The following GPT2 variants were observed in gnomAD, a reference collection of about 807,000 sequenced individuals.
GPT2 encodes glutamic--pyruvic transaminase 2, also known as alanine aminotransferase 2.
GPT2 carries 30 observed loss-of-function variants against 56.9 expected under a neutral mutation model. The ratio of observed to expected loss-of-function variants is 0.53; its 90% CI spans 0.39 to 0.72. The LOEUF (loss-of-function observed/expected upper bound fraction) is 0.72, where lower values mean the gene tolerates loss of function less well. GPT2 is among the 30% of genes least tolerant of loss of function. GPT2 has a pLI of 0.00. For synonymous variants in GPT2, 271 were observed against 283.1 expected (o/e 0.96, Z 0.43); for missense variants, 542 against 703.4 (o/e 0.77, Z 2.60).
At chr16:46,897,578 C>A in intron 2 of GPT2, 70 bp from the exon 3 acceptor site, 2 of 1,443,488 alleles carry the variant, frequency 1.4e-6, no homozygotes, top group Non-Finnish European at 1.9e-6. Flanking sequence ...CTGCGGGAAC[C>A]TTGCCTGGCC....
In GPT2 at chr16:46,884,373, C is replaced by A; in HGVS notation, c.-117C>A. ...CGCAGGGGCCGGGCGGCGCGGGCGCCGGGCGCGGGGATGCGGCTGTGGGCG... is the reference window on the plus strand; with the variant it reads ...CGCAGGGGCCGGGCGGCGCGGGCGCAGGGCGCGGGGATGCGGCTGTGGGCG... On this transcript the variant is annotated 5_prime_UTR_variant, in exon 1 of 12. Transcript: ENST00000340124. 1 of 182,300 alleles carries A rather than the reference C, an allele frequency of 5.5e-6. No individual in the cohort carries two copies. Among genetic ancestry groups the A allele is most frequent in the South Asian group, 1.7e-4 (1 of 5,854 alleles). The allele number at this position is 182,300 out of a possible 1,614,324, so 11.3% of individuals were successfully genotyped here. A position where few individuals can be genotyped will look rare whatever the true frequency, so the allele number is the denominator to read the frequency against.
chr16:46,915,493 CACAG>C (rs775335790), intron 6 of GPT2: 1 of 149,482 alleles, frequency 6.7e-6, no homozygotes, highest in Non-Finnish European at 1.5e-5. Context: ...ACACACCATA[CACAG>C]ACACCCCAAC....
intron 8 of GPT2, among the ~76,000 whole-genome samples, chr16:46,921,476 C>G (rs1256886514): frequency 1.3e-5 from 2 of 152,056 alleles, no homozygotes; most frequent in East Asian, 1.9e-4. Flanking sequence ...CCCGGCTCCC[C>G]CAAAAGCATG....
chr16:46,924,697 A>G (rs1039241984), intron 10 of GPT2, 153 bp downstream of exon 10: 6 of 799,028 alleles, frequency 7.5e-6, no homozygotes, highest in South Asian at 5.1e-5. Context: ...CCGTGTAAAG[A>G]TGACAGGTTC....
intron 6 of GPT2, among the ~76,000 whole-genome samples, chr16:46,912,486 T>C (rs1961065089): frequency 6.6e-6 from 1 of 152,218 alleles, no homozygotes; most frequent in Non-Finnish European, 1.5e-5. Context: ...GGGACTCTGA[T>C]TGGCAGCTCT....
At chr16:46,888,840 A>G (rs1384006206) in intron 2 of GPT2, among the ~76,000 whole-genome samples, 1 of 151,224 alleles carries the variant, frequency 6.6e-6, no homozygotes, top group African/African-American at 2.4e-5. Context: ...TATAGAGACT[A>G]GGTCTTCTTA....
chr16:46,908,810 C>T (rs1222995217), intron 5 of GPT2, among the ~76,000 whole-genome samples: 2 of 152,160 alleles, frequency 1.3e-5, no homozygotes, highest in Non-Finnish European at 2.9e-5. Flanking sequence ...CCACAAGATT[C>T]AGTGGAAAGA....
intron 3 of GPT2, among the ~76,000 whole-genome samples, chr16:46,898,724 A>T (rs1405187087): frequency 6.6e-6 from 1 of 150,820 alleles, no homozygotes; most frequent in African/African-American, 2.4e-5. Flanking sequence ...TGATTTTTGT[A>T]TTTTTGGTAG....
chr16:46,898,904 A>ATATATATACACACACATATATATGTGTG (rs1317248792), intron 3 of GPT2, among the ~76,000 whole-genome samples: 13 of 143,408 alleles, frequency 9.1e-5, no homozygotes, highest in African/African-American at 3.3e-4. Flanking sequence ...ATATATACAC[A>ATATATATACACACACATATATATGTGTG]TATATATACA....
At chr16:46,926,785 C>A in intron 10 of GPT2, 140 bp from the exon 11 acceptor site, 1 of 505,838 alleles carries the variant, frequency 2.0e-6, no homozygotes, top group Non-Finnish European at 3.4e-6. Flanking sequence ...CAGCGTCTGG[C>A]CCTGGTCCTC....
chr16:46,907,114 C>A, intron 5 of GPT2, 139 bp downstream of exon 5: 3 of 1,082,538 alleles, frequency 2.8e-6, no homozygotes, highest in Non-Finnish European at 4.1e-6. Flanking sequence ...CCAGCCCTGG[C>A]AGCCTGCAGT....
At position 46,931,184 on chromosome 16, in the gene GPT2, A is replaced by C. The variant is rs1050052021; in HGVS notation, c.*2187A>C. The C allele has an allele frequency of 3.9e-5, 6 of 152,202 alleles. No homozygotes were observed. Among genetic ancestry groups the C allele is most frequent in the African/African-American group, 1.2e-4 (5 of 41,454 alleles). 9.4% of individuals were successfully genotyped at this position (152,202 alleles called of 1,614,324 possible). ...GTTGGGGAGGAACAGATGCAGATCA[A>C]CCTGTGGCTGTTTTCCCGTCTAGGT... is the stretch of plus-strand genomic sequence containing the variant. On this transcript the variant is annotated 3_prime_UTR_variant, in exon 12 of 12. Transcript: ENST00000340124.
At chr16:46,903,853 T>C (rs539955816) in intron 4 of GPT2, among the ~76,000 whole-genome samples, 1 of 152,146 alleles carries the variant, frequency 6.6e-6, no homozygotes, top group South Asian at 2.1e-4. Context: ...AAAGAATATA[T>C]ACGAATGTGT....
At chr16:46,900,477 C>T (rs1431992811) in intron 3 of GPT2, among the ~76,000 whole-genome samples, 1 of 152,142 alleles carries the variant, frequency 6.6e-6, no homozygotes, top group African/African-American at 2.4e-5. Flanking sequence ...CATAGTGCAT[C>T]CCAACTCTCA....
At chr16:46,898,989 TATAACACAC>T (rs1206085353) in intron 3 of GPT2, among the ~76,000 whole-genome samples, 5 of 80,116 alleles carry the variant, frequency 6.2e-5, no homozygotes, top group African/African-American at 2.0e-4. Flanking sequence ...TATATATATA[TATAACACAC>T]ATATATATAT....
chr16:46,903,118 G>A (rs1343765144), intron 4 of GPT2, among the ~76,000 whole-genome samples: 2 of 151,702 alleles, frequency 1.3e-5, no homozygotes, highest in East Asian at 2.0e-4. Flanking sequence ...GCATTATGGC[G>A]GGTGCCTGTA....
Position 46,931,101 on chromosome 16 carries a change from T to G in GPT2, c.*2104T>G, listed in dbSNP as rs1177944189. On this transcript the variant is annotated 3_prime_UTR_variant, in exon 12 of 12. Transcript: ENST00000340124. ...ACGTGCTGGGCTGTGCCTCAGACAG[T>G]GCATCACCGGGCACCCAGAGGCTTG... is the stretch of plus-strand genomic sequence containing the variant. 1 of 152,244 alleles carries G rather than the reference T, an allele frequency of 6.6e-6. No individual in the cohort carries two copies. Among genetic ancestry groups the G allele is most frequent in the Non-Finnish European group, 1.5e-5 (1 of 68,074 alleles). The allele number at this position is 152,244 out of a possible 1,614,324, so 9.4% of individuals were successfully genotyped here. A position where few individuals can be genotyped will look rare whatever the true frequency, so the allele number is the denominator to read the frequency against.
chr16:46,920,780 T>C (rs989546316), intron 8 of GPT2, among the ~76,000 whole-genome samples: 10 of 152,142 alleles, frequency 6.6e-5, no homozygotes, highest in African/African-American at 2.4e-4. Flanking sequence ...CTTGCTTGAC[T>C]TCCTTTTGCT....
chr16:46,912,369 C>T (rs973999972), intron 6 of GPT2, among the ~76,000 whole-genome samples: 2 of 152,162 alleles, frequency 1.3e-5, no homozygotes, highest in African/African-American at 4.8e-5. Flanking sequence ...GGCTTCAGCA[C>T]TTTCAGCCAT....
Sources: gnomAD v4.1 joint callset for allele counts (sites outside exome capture counted in the v4.1 genomes callset) on GRCh38, gnomAD v4.1.1 for gene constraint, MANE v1.5 for transcripts, NCBI Gene and HGNC (gene_info 2026-07-23, HGNC 2026-07-21) for gene names.